COX8C: variants seen among roughly 807,000 people sequenced by gnomAD.
COX8C encodes the protein cytochrome c oxidase subunit 8C, also known as cytochrome c oxidase subunit 8C, mitochondrial.
COX8C carries 3 observed loss-of-function variants against 3.5 expected under a neutral mutation model. The ratio of observed to expected loss-of-function variants is 0.86; its 90% CI spans 0.39 to 2.24. COX8C has a LOEUF of 2.24. Ranked by LOEUF, COX8C falls within the 30% of genes most tolerant of loss-of-function variation. The probability of loss-of-function intolerance (pLI) is 0.05; values close to 1 mark genes in which losing one functional copy is unlikely to be tolerated. For missense variants in COX8C, 113 were observed against 102.5 expected, an observed-to-expected ratio of 1.10 and a Z score of -0.44; for synonymous variants, 46 against 44.1, an observed-to-expected ratio of 1.04 and a Z score of -0.17.
In COX8C at chr14:93,347,493, C is replaced by G. The variant is rs917587815; in HGVS notation, c.126+99C>G. 3.1e-6 allele frequency: 4 copies of G among 1,291,868 alleles called. No individual in the cohort carries two copies. The East Asian group carries it at 1.2e-4, about 40-fold the overall frequency. The allele number at this position is 1,291,868 out of a possible 1,614,324, so 80.0% of individuals were successfully genotyped here. On this transcript the variant is annotated intron_variant, in intron 1 of 1. Coordinates refer to ENST00000342144, the MANE Select transcript of COX8C (RefSeq NM_182971.3). ...AAGGGAGGACACGGCGTGCAGGCCT[C>G]GCGTGGGAGGCTCTTGTGGCTTGGT... is the stretch of plus-strand genomic sequence containing the variant.
Position 93,347,285 on chromosome 14 carries a change from G to C in COX8C, c.17G>C (p.Gly6Ala). MPLLR[G>A]RCPARRHYRR... Reference sequence around the variant, plus strand: ...TGACGCGATATGCCTCTCCTGCGTGGGCGCTGTCCTGCCCGCCGCCACTAC... The same window carrying C: ...TGACGCGATATGCCTCTCCTGCGTGCGCGCTGTCCTGCCCGCCGCCACTAC... The change falls in exon 1 of 2, where the codon GGG becomes GCG. Residue 6 changes from glycine (G) to alanine (A), a missense_variant. Physicochemically the swap from Gly to Ala is moderately conservative, Grantham distance 60. Transcript: ENST00000342144. The C allele has an allele frequency of 6.2e-7, 1 of 1,605,092 alleles. No individual in the cohort carries two copies. The highest frequency in any genetic ancestry group is 1.1e-5 in the South Asian group (1 of 90,488).
rs762249566 is a variant in COX8C, at chr14:93,347,382, CCT to C, written c.115_116del (p.Leu39ValfsTer38). 4 of 1,549,302 alleles carry C rather than the reference CCT, an allele frequency of 2.6e-6. No homozygotes were observed. The highest frequency in any genetic ancestry group is 3.5e-6 in the Non-Finnish European group (4 of 1,154,812). On this transcript the variant is annotated frameshift_variant, in exon 1 of 2. Transcript: ENST00000342144. LOFTEE classifies it low-confidence loss of function (END_TRUNC). The part of the protein sequence containing the change: ...AHSGPPRQRP[L>X]SAAEMAVGLV... The stretch of plus-strand genomic sequence containing the variant: ...ACTCGGGGCCCCCGCGCCAGCGGCC[CCT>C]GTCTGCCGCGGTGAGTTGAGGCCCA...
chr14:93,347,900 C>T (rs1192172788), intron 1 of COX8C, 128 bp from the exon 2 acceptor site: 7 of 580,658 alleles, frequency 1.2e-5, no homozygotes, highest in Non-Finnish European at 1.9e-5. Context: ...TTTTAGATTT[C>T]ACTAGGCGCC....
chr14:93,347,890 T>C lies in COX8C; in HGVS notation c.127-138T>C, dbSNP rs2053896405. On this transcript the variant is annotated intron_variant, in intron 1 of 1. Transcript: ENST00000342144. ...GTGATCCATGAATCGATTTTCAGCATTTTAGATTTCACTAGGCGCCTGTTT... is the reference window on the plus strand; with the variant it reads ...GTGATCCATGAATCGATTTTCAGCACTTTAGATTTCACTAGGCGCCTGTTT... 4 of 581,616 alleles carry C rather than the reference T, an allele frequency of 6.9e-6. No homozygotes were observed. The South Asian group carries it at 7.0e-5, about 10-fold the overall frequency. 36.0% of individuals were successfully genotyped at this position (581,616 alleles called of 1,614,324 possible). A position where few individuals can be genotyped will look rare whatever the true frequency, so the allele number is the denominator to read the frequency against.
chr14:93,347,220 T>TCACCTCA lies in COX8C; in HGVS notation c.-47_-41dup. 1 of 1,530,184 alleles carries TCACCTCA rather than the reference T, an allele frequency of 6.5e-7. No individual in the cohort carries two copies. The highest frequency in any genetic ancestry group is 8.8e-7 in the Non-Finnish European group (1 of 1,134,254). The allele number at this position is 1,530,184 out of a possible 1,614,324, so 94.8% of individuals were successfully genotyped here. A position where few individuals can be genotyped will look rare whatever the true frequency, so the allele number is the denominator to read the frequency against. ...GCACTGGAGCTTGCGTTACTTGGCC[T>TCACCTCA]CACCTCACCTGTGCTGTCCACGCCT... On this transcript the variant is annotated 5_prime_UTR_variant, in exon 1 of 2. Transcript: ENST00000342144.
Position 93,347,242 on chromosome 14 carries a change from G to C in COX8C, c.-27G>C. ...GCCTCACCTCACCTGTGCTGTCCAC[G>C]CCTGGCTTTGTCTCACCTGACGCGA... On this transcript the variant is annotated 5_prime_UTR_variant, in exon 1 of 2. Coordinates refer to ENST00000342144, the MANE Select transcript of COX8C (RefSeq NM_182971.3). 1 of 1,583,742 alleles carries C rather than the reference G, an allele frequency of 6.3e-7. No individual in the cohort carries two copies. The highest frequency in any genetic ancestry group is 8.6e-7 in the Non-Finnish European group (1 of 1,165,408).
At position 93,347,347 on chromosome 14, in the gene COX8C, C is replaced by T. The variant is rs747514899; in HGVS notation, c.79C>T (p.Arg27Cys). The stretch of plus-strand genomic sequence containing the variant: ...CCTGCTCGGCCTGCAGCCCGCTCCC[C>T]GCTTCGCCCACTCGGGGCCCCCGCG... ...LALLGLQPAP[R>C]FAHSGPPRQR... is the part of the protein sequence containing the mutation. Residue 27 changes from arginine (R) to cysteine (C), a missense_variant, in exon 1 of 2, where the codon CGC becomes TGC. Transcript: ENST00000342144. 1.1e-5 allele frequency: 17 copies of T among 1,597,192 alleles called. No homozygotes were observed. In the East Asian group the frequency reaches 1.3e-4, roughly 13 times the overall value.
Position 93,347,209 on chromosome 14 carries a change from G to A in COX8C, c.-60G>A. On this transcript the variant is annotated 5_prime_UTR_variant, in exon 1 of 2. Transcript: ENST00000342144. ...CTGCCTCACGAGCACTGGAGCTTGCGTTACTTGGCCTCACCTCACCTGTGC... is the reference window on the plus strand; with the variant it reads ...CTGCCTCACGAGCACTGGAGCTTGCATTACTTGGCCTCACCTCACCTGTGC... 4 of 1,513,630 alleles carry A rather than the reference G, an allele frequency of 2.6e-6. No homozygotes were observed. In the South Asian group the frequency reaches 5.0e-5, roughly 19 times the overall value. The allele number at this position is 1,513,630 out of a possible 1,614,324, so 93.8% of individuals were successfully genotyped here. A position where few individuals can be genotyped will look rare whatever the true frequency, so the allele number is the denominator to read the frequency against.
In COX8C at chr14:93,347,314, C is replaced by G. The variant is rs1262066604; in HGVS notation, c.46C>G (p.Arg16Gly). The G allele has an allele frequency of 6.2e-7, 1 of 1,605,602 alleles. No homozygotes were observed. The highest frequency in any genetic ancestry group is 8.5e-7 in the Non-Finnish European group (1 of 1,178,236). Residue 16 changes from arginine to glycine, a missense_variant, in exon 1 of 2, where the codon CGC becomes GGC. Arg to Gly is a moderately radical substitution (Grantham distance 125, BLOSUM62 -2). Coordinates refer to ENST00000342144, the MANE Select transcript of COX8C (RefSeq NM_182971.3). Reference sequence around the variant, plus strand: ...CTGTCCTGCCCGCCGCCACTACCGCCGCTTGGCCCTGCTCGGCCTGCAGCC... The same window carrying G: ...CTGTCCTGCCCGCCGCCACTACCGCGGCTTGGCCCTGCTCGGCCTGCAGCC... ...GRCPARRHYR[R>G]LALLGLQPAP...
intron 1 of COX8C, 47 bp from the exon 2 acceptor site, chr14:93,347,981 T>C (rs1441154751): frequency 8.6e-7 from 1 of 1,157,152 alleles, no homozygotes; most frequent in Admixed American, 1.7e-5. Context: ...AGCAAGTCAC[T>C]GGCCTAGGAA....
Position 93,347,297 on chromosome 14 carries a change from CCCG to C in COX8C, c.35_37del (p.Arg12del). ...CCTCTCCTGCGTGGGCGCTGTCCTG[CCCG>C]CCGCCACTACCGCCGCTTGGCCCTG... On this transcript the variant is annotated inframe_deletion, in exon 1 of 2. Coordinates refer to ENST00000342144, the MANE Select transcript of COX8C (RefSeq NM_182971.3). 1.2e-6 allele frequency: 2 copies of C among 1,605,302 alleles called. No individual in the cohort carries two copies. The highest frequency in any genetic ancestry group is 8.5e-7 in the Non-Finnish European group (1 of 1,177,588).
Position 93,348,073 on chromosome 14 carries a change from C to G in COX8C, c.172C>G (p.Pro58Ala), listed in dbSNP as rs113042438. 6.2e-7 allele frequency: 1 copy of G among 1,612,974 alleles called. No homozygotes were observed. Among genetic ancestry groups the G allele is most frequent in the Non-Finnish European group, 8.5e-7 (1 of 1,179,008 alleles). The change falls in exon 2 of 2, where the codon CCA (proline) becomes GCA (alanine). Residue 58 changes from proline to alanine, a missense_variant. Coordinates refer to ENST00000342144, the MANE Select transcript of COX8C (RefSeq NM_182971.3). ...LVVFFTTFLT[P>A]AAYVLGNLKQ... ...GGTGTTTTTTACGACCTTCTTAACACCAGCTGCATATGTGCTAGGCAACCT... is the reference window on the plus strand; with the variant it reads ...GGTGTTTTTTACGACCTTCTTAACAGCAGCTGCATATGTGCTAGGCAACCT...
intron 1 of COX8C, among the ~76,000 whole-genome samples, chr14:93,347,729 C>T (rs2475037): frequency 1.3e-5 from 2 of 152,072 alleles, no homozygotes; most frequent in South Asian, 2.1e-4. Context: ...TTACCATCCT[C>T]GGACGTCCTC....
rs1566883776 is a variant in COX8C at position 93,348,110 on chromosome 14, GAAGGA to G, written c.211_215del (p.Arg71LeufsTer5). 1.3e-6 allele frequency: 2 copies of G among 1,595,580 alleles called. No homozygotes were observed. Among genetic ancestry groups the G allele is most frequent in the Non-Finnish European group, 1.7e-6 (2 of 1,163,140 alleles). ...GTGCTAGGCAACCTGAAGCAGTTCAGAAGGAATTAGATGGAAGATGATGTTGAACA... is the reference window on the plus strand; with the variant it reads ...GTGCTAGGCAACCTGAAGCAGTTCAGATTAGATGGAAGATGATGTTGAACA... On this transcript the variant is annotated frameshift_variant, in exon 2 of 2. Coordinates refer to ENST00000342144, the MANE Select transcript of COX8C (RefSeq NM_182971.3). LOFTEE classifies it high-confidence loss of function.
chr14:93,347,230 T>G lies in COX8C; in HGVS notation c.-39T>G. 1.9e-6 allele frequency: 3 copies of G among 1,565,442 alleles called. No homozygotes were observed. The highest frequency in any genetic ancestry group is 1.7e-6 in the Non-Finnish European group (2 of 1,155,236). On this transcript the variant is annotated 5_prime_UTR_variant, in exon 1 of 2. Coordinates refer to ENST00000342144, the MANE Select transcript of COX8C (RefSeq NM_182971.3). ...TTGCGTTACTTGGCCTCACCTCACC[T>G]GTGCTGTCCACGCCTGGCTTTGTCT...
At chr14:93,347,987 A>G in intron 1 of COX8C, 41 bp from the exon 2 acceptor site, 2 of 1,222,796 alleles carry the variant, frequency 1.6e-6, no homozygotes, top group Non-Finnish European at 2.4e-6. Flanking sequence ...TCACTGGCCT[A>G]GGAAGCCATA....
At chr14:93,347,464 G>C (rs2053878576) in intron 1 of COX8C, 70 bp downstream of exon 1, 2 of 1,375,966 alleles carry the variant, frequency 1.5e-6, no homozygotes, top group East Asian at 5.9e-5. Context: ...CGACGGGTGG[G>C]GAGAAGGGAG....
At chr14:93,347,552 C>G (rs1382418699) in intron 1 of COX8C, among the ~76,000 whole-genome samples, 158 bp downstream of exon 1, 1 of 151,836 alleles carries the variant, frequency 6.6e-6, no homozygotes, top group Non-Finnish European at 1.5e-5. Flanking sequence ...GCTTGGTCGC[C>G]TTTGGGGGAG....
At chr14:93,347,905 G>T in intron 1 of COX8C, 123 bp from the exon 2 acceptor site, 1 of 590,312 alleles carries the variant, frequency 1.7e-6, no homozygotes, top group Non-Finnish European at 3.1e-6. Flanking sequence ...GATTTCACTA[G>T]GCGCCTGTTT....
Sources: allele counts gnomAD v4.1 joint callset (sites outside exome capture counted in the v4.1 genomes callset), GRCh38; gene constraint gnomAD v4.1.1; transcripts MANE v1.5; gene names NCBI Gene and HGNC (gene_info 2026-07-23, HGNC 2026-07-21).